TYRP1: variants seen among roughly 807,000 people sequenced by gnomAD.
The protein encoded by TYRP1 is 5,6-dihydroxyindole-2-carboxylic acid oxidase.
Under a neutral mutation model 42.8 loss-of-function variants are expected in TYRP1, and 49 were observed. The ratio of observed to expected loss-of-function variants is 1.14; its 90% confidence interval spans 0.91 to 1.45. TYRP1 has a LOEUF of 1.45. Among genes scored for constraint, TYRP1 ranks in the 40% most tolerant of loss-of-function variants. The pLI is 0.00. For synonymous variants in TYRP1, 279 were observed against 235.4 expected (o/e 1.19, Z -1.69); for missense variants, 848 against 662.0 (o/e 1.28, Z -3.08).
At position 12,695,652 on chromosome 9, in the gene TYRP1, A is replaced by G; in HGVS notation, c.523A>G (p.Asn175Asp). The change falls in exon 3 of 8, where the codon AAC (asparagine) becomes GAC (aspartate). Residue 175 changes from asparagine (N) to aspartate (D), a missense_variant. Transcript: ENST00000388918. ...RSEEILGPDG[N>D]TPQFENISIY... Reference sequence around the variant, plus strand: ...AGAAGAAATACTGGGGCCAGATGGCAACACGCCACAATTTGAGAACATTTC... The same window carrying G: ...AGAAGAAATACTGGGGCCAGATGGCGACACGCCACAATTTGAGAACATTTC... 3.1e-6 allele frequency: 5 copies of G among 1,614,176 alleles called. No homozygotes were observed. The highest frequency in any genetic ancestry group is 4.2e-6 in the Non-Finnish European group (5 of 1,180,026).
chr9:12,704,758 T>C lies in TYRP1; in HGVS notation c.1261+53T>C, dbSNP rs1818231542. ...TGCTCAGCTGGGCGGATTGTTTAGA[T>C]GGCATAGTTATCAGTTCAAGCTGAG... On this transcript the variant is annotated intron_variant, in intron 6 of 7. Transcript: ENST00000388918. 3.2e-6 allele frequency: 5 copies of C among 1,558,718 alleles called. No individual in the cohort carries two copies. The South Asian group carries it at 3.3e-5, about 10-fold the overall frequency.
At chr9:12,695,896 G>C (rs974798590) in intron 3 of TYRP1, 59 bp downstream of exon 3, 2 of 1,554,984 alleles carry the variant, frequency 1.3e-6, no homozygotes, top group African/African-American at 1.4e-5. Context: ...TTGTTTGTAA[G>C]TGATTTTAAT....
chr9:12,703,392 T>C (rs369800477), intron 5 of TYRP1, among the ~76,000 whole-genome samples: 1 of 151,872 alleles, frequency 6.6e-6, no homozygotes, highest in Non-Finnish European at 1.5e-5. Context: ...AATAACTACC[T>C]GAATGCACTG....
At chr9:12,694,608 T>C (rs1563851807) in intron 2 of TYRP1, 3 of 584,976 alleles carry the variant, frequency 5.1e-6, no homozygotes, top group Non-Finnish European at 9.0e-6. Flanking sequence ...GAAACATTTA[T>C]TGAGCAACCA....
At chr9:12,700,615 A>T (rs187386225) in intron 4 of TYRP1, 1 of 152,232 alleles carries the variant, frequency 6.6e-6, no homozygotes, top group Non-Finnish European at 1.5e-5. Flanking sequence ...ATGCAAACAA[A>T]TTTAAGAATC....
chr9:12,704,392 G>C, intron 5 of TYRP1, 134 bp from the exon 6 acceptor site: 5 of 821,572 alleles, frequency 6.1e-6, no homozygotes, highest in East Asian at 2.7e-5. Flanking sequence ...CAGAGAAGCA[G>C]TGCTGTTATA....
chr9:12,704,781 G>C, intron 6 of TYRP1, 76 bp downstream of exon 6: 2 of 1,435,086 alleles, frequency 1.4e-6, no homozygotes, highest in Non-Finnish European at 2.0e-6. Flanking sequence ...AGTTCAAGCT[G>C]AGCACTCAGC....
In TYRP1 at chr9:12,701,140, C is replaced by G. The variant is rs559016101; in HGVS notation, c.914-1131C>G. On this transcript the variant is annotated intron_variant, in intron 4 of 7. Coordinates refer to ENST00000388918, the MANE Select transcript of TYRP1 (RefSeq NM_000550.3). ...AAAATTTTCCTAACCAATCACCTCT[C>G]CTCCCACCCATCTAAGGTTTTGACT... 1.3e-4 allele frequency among the ~76,000 whole-genome samples: 20 copies of G among 152,050 alleles called. No individual in the cohort carries two copies. In the East Asian group the frequency reaches 3.9e-3, roughly 30 times the overall value.
intron 5 of TYRP1, 70 bp from the exon 6 acceptor site, chr9:12,704,456 C>A (rs960341889): frequency 2.6e-6 from 4 of 1,541,872 alleles, no homozygotes; most frequent in Non-Finnish European, 3.5e-6. Flanking sequence ...CCAATATAAT[C>A]ATTGCTATTA....
At position 12,693,953 on chromosome 9, in the gene TYRP1, A is replaced by G. The variant is rs1818033752; in HGVS notation, c.-44A>G. ...GTGCTTCAGTCTTCTCTACACAAAG[A>G]GCTGCAAACCAGGTCTTTGTTTTGC... On this transcript the variant is annotated 5_prime_UTR_variant, in exon 2 of 8. Transcript: ENST00000388918. The G allele has an allele frequency of 1.2e-6, 2 of 1,611,862 alleles. No homozygotes were observed. The highest frequency in any genetic ancestry group is 8.5e-7 in the Non-Finnish European group (1 of 1,179,768).
At chr9:12,703,883 ATGTG>A (rs58360847) in intron 5 of TYRP1, among the ~76,000 whole-genome samples, 50 of 143,528 alleles carry the variant, frequency 3.5e-4, no homozygotes, top group South Asian at 1.1e-3. Flanking sequence ...ATATATATAT[ATGTG>A]TGTGTGTGTG....
chr9:12,699,463 A>G (rs905854381), intron 4 of TYRP1, among the ~76,000 whole-genome samples: 3 of 152,012 alleles, frequency 2.0e-5, no homozygotes, highest in Non-Finnish European at 4.4e-5. Context: ...TAAAAATAAG[A>G]GTTATGTGAA....
At chr9:12,700,866 A>G (rs1818155883) in intron 4 of TYRP1, among the ~76,000 whole-genome samples, 1 of 152,080 alleles carries the variant, frequency 6.6e-6, no homozygotes, top group African/African-American at 2.4e-5. Context: ...TACACTCAAT[A>G]AATAGTTTCC....
intron 5 of TYRP1, 107 bp from the exon 6 acceptor site, chr9:12,704,419 C>A: frequency 7.8e-7 from 1 of 1,277,562 alleles, no homozygotes; most frequent in Non-Finnish European, 1.1e-6. Flanking sequence ...CAAAAATTGG[C>A]CTGACGAGCC....
chr9:12,700,111 C>G (rs564730690), intron 4 of TYRP1: 1 of 152,150 alleles, frequency 6.6e-6, no homozygotes, highest in Non-Finnish European at 1.5e-5. Context: ...AAGGGAAAAA[C>G]TATCATTTTA....
At chr9:12,693,803 A>T in intron 1 of TYRP1, 109 bp from the exon 2 acceptor site, 1 of 636,486 alleles carries the variant, frequency 1.6e-6, no homozygotes, top group Non-Finnish European at 2.7e-6. Context: ...TTTGTGTGAA[A>T]TGTCATTTTA....
chr9:12,693,878 C>A, intron 1 of TYRP1, 34 bp from the exon 2 acceptor site: 1 of 1,428,076 alleles, frequency 7.0e-7, no homozygotes, highest in Non-Finnish European at 9.6e-7. Flanking sequence ...CCAAGAAAAA[C>A]TTGCATAATC....
At chr9:12,704,078 C>G (rs1393047300) in intron 5 of TYRP1, among the ~76,000 whole-genome samples, 1 of 151,956 alleles carries the variant, frequency 6.6e-6, no homozygotes, top group African/African-American at 2.4e-5. Context: ...AATAAACGTG[C>G]TAACAGTCAT....
At position 12,706,970 on chromosome 9, in the gene TYRP1, A is replaced by G. The variant is rs41316031; in HGVS notation, c.1262-1027A>G. 7.2e-5 allele frequency among the ~76,000 whole-genome samples: 11 copies of G among 152,062 alleles called. No individual in the cohort carries two copies. In the East Asian group the frequency reaches 2.1e-3, roughly 30 times the overall value. On this transcript the variant is annotated intron_variant, in intron 6 of 7. Transcript: ENST00000388918. The stretch of plus-strand genomic sequence containing the variant: ...ACACTTTACAGATAAAGAAAAGTGG[A>G]GTCATTCAAATATTAATGTCCATTA...
Sources: gnomAD v4.1 joint callset for allele counts (sites outside exome capture counted in the v4.1 genomes callset) on GRCh38, gnomAD v4.1.1 for gene constraint, MANE v1.5 for transcripts, NCBI Gene and HGNC (gene_info 2026-07-23, HGNC 2026-07-21) for gene names.